ARHGAP24: variants seen among roughly 807,000 people sequenced by gnomAD.
The protein encoded by ARHGAP24 is Rho GTPase activating protein 24, also known as rho GTPase-activating protein 24.
A neutral mutation model predicts 76.4 loss-of-function variants in ARHGAP24; 50 were observed. The ratio of observed to expected loss-of-function variants is 0.65; its 90% CI spans 0.52 to 0.83. The LOEUF is 0.83. ARHGAP24 is among the 40% of genes least tolerant of loss of function. ARHGAP24 has a pLI of 0.00. For missense variants in ARHGAP24, 930 were observed against 914.2 expected (o/e 1.02, Z -0.22); for synonymous variants, 345 against 323.3 (o/e 1.07, Z -0.72).
rs138213942 is a variant in ARHGAP24, at chr4:85,832,172, C to T, written c.269-91476C>T. On this transcript the variant is annotated intron_variant, in intron 3 of 9. Coordinates refer to ENST00000395184, the MANE Select transcript of ARHGAP24 (RefSeq NM_001025616.3). ...AAGAGCCTTTTGTGTTTTCCGTGGGCGGGAACAAATAAGGCAGGGTGAGAA... is the reference window on the plus strand; with the variant it reads ...AAGAGCCTTTTGTGTTTTCCGTGGGTGGGAACAAATAAGGCAGGGTGAGAA... Among the ~76,000 whole-genome samples, 29 of 151,960 alleles carry T rather than the reference C, an allele frequency of 1.9e-4. No homozygotes were observed. The South Asian group carries it at 2.1e-3, about 11-fold the overall frequency.
At chr4:85,632,575 T>G (rs1721191445) in intron 2 of ARHGAP24, among the ~76,000 whole-genome samples, 1 of 152,060 alleles carries the variant, frequency 6.6e-6, no homozygotes, top group African/African-American at 2.4e-5. Context: ...CCCTGTGGAC[T>G]CACTGTGTTT....
intron 3 of ARHGAP24, among the ~76,000 whole-genome samples, chr4:85,866,404 G>C (rs567867406): frequency 6.6e-6 from 1 of 152,122 alleles, no homozygotes; most frequent in Non-Finnish European, 1.5e-5. Context: ...TACCCTGCCT[G>C]CCAGCAAGCA....
chr4:85,550,006 A>G (rs1156685042), intron 1 of ARHGAP24, among the ~76,000 whole-genome samples: 1 of 152,206 alleles, frequency 6.6e-6, no homozygotes, highest in Admixed American at 6.5e-5. Context: ...TCTAACATTG[A>G]TTAGCACTTA....
intron 3 of ARHGAP24, among the ~76,000 whole-genome samples, chr4:85,917,362 G>A (rs62305507): frequency 0.096 from 14,586 of 151,668 alleles, 756 homozygotes; most frequent in South Asian, 0.16. Flanking sequence ...GAATAGTGCC[G>A]CAATAAACAT....
chr4:85,894,951 A>C, intron 3 of ARHGAP24, among the ~76,000 whole-genome samples: 2 of 108,256 alleles, frequency 1.8e-5, no homozygotes, highest in Admixed American at 2.1e-4. Context: ...ACAGAATGAG[A>C]CTCCCTCTCA....
At chr4:85,919,353 G>A (rs1393697769) in intron 3 of ARHGAP24, among the ~76,000 whole-genome samples, 1 of 152,180 alleles carries the variant, frequency 6.6e-6, no homozygotes, top group Admixed American at 6.6e-5. Flanking sequence ...GAGGGGTTAT[G>A]CATTAGAACA....
intron 1 of ARHGAP24, among the ~76,000 whole-genome samples, chr4:85,498,515 C>G (rs897461978): frequency 2.6e-5 from 4 of 152,234 alleles, no homozygotes; most frequent in Non-Finnish European, 5.9e-5. Context: ...CAGCCTCGTG[C>G]TGAACAGCCC....
In ARHGAP24 at chr4:85,687,303, G is replaced by A. The variant is rs182428358; in HGVS notation, c.181-34582G>A. Reference sequence around the variant, plus strand: ...TTCAACTTCTATTTTAGATACAGGGGGTACATGTGCAGGTTTGCTCCATGG... The same window carrying A: ...TTCAACTTCTATTTTAGATACAGGGAGTACATGTGCAGGTTTGCTCCATGG... On this transcript the variant is annotated intron_variant, in intron 2 of 9. Transcript: ENST00000395184. 2.1e-3 allele frequency among the ~76,000 whole-genome samples: 312 copies of A among 152,092 alleles called. 2 individuals carry two copies. In the Middle Eastern group the frequency reaches 0.027, roughly 13 times the overall value.
rs758883129 is a variant in ARHGAP24, at chr4:85,994,818, C to A, written c.1164C>A (p.Asn388Lys). The change falls in exon 9 of 10, where the codon AAC (asparagine) becomes AAA (lysine). Residue 388 changes from asparagine to lysine, a missense_variant. Coordinates refer to ENST00000395184, the MANE Select transcript of ARHGAP24 (RefSeq NM_001025616.3). Reference sequence around the variant, plus strand: ...AGTCACCCCAGAGAAGCAGCATGAACAATGGATCCCCCACAGCTCTATCAG... The same window carrying A: ...AGTCACCCCAGAGAAGCAGCATGAAAAATGGATCCCCCACAGCTCTATCAG... ...KSESPQRSSM[N>K]NGSPTALSGS... 1.2e-6 allele frequency: 2 copies of A among 1,614,146 alleles called. No individual in the cohort carries two copies. Among genetic ancestry groups the A allele is most frequent in the Admixed American group, 1.7e-5 (1 of 60,014 alleles).
At position 85,997,914 on chromosome 4, in the gene ARHGAP24, C is replaced by T. The variant is rs143958940; in HGVS notation, c.2003+2257C>T. 6.5e-3 allele frequency among the ~76,000 whole-genome samples: 987 copies of T among 152,242 alleles called. 17 individuals are homozygous for T. The East Asian group carries it at 0.066, about 10-fold the overall frequency. On this transcript the variant is annotated intron_variant, in intron 9 of 9. Coordinates refer to ENST00000395184, the MANE Select transcript of ARHGAP24 (RefSeq NM_001025616.3). ...TCAAATGATCCACCCACCTCGGCCT[C>T]CCAAAGTGCTGGGGTTACAGGCATA... is the stretch of plus-strand genomic sequence containing the variant.
chr4:85,838,285 C>T (rs914055115), intron 3 of ARHGAP24, among the ~76,000 whole-genome samples: 2 of 152,120 alleles, frequency 1.3e-5, no homozygotes, highest in Non-Finnish European at 1.5e-5. Context: ...GACATGTAAT[C>T]ATTCTGAATA....
At chr4:85,517,098 G>C (rs757023738) in intron 1 of ARHGAP24, among the ~76,000 whole-genome samples, 1 of 151,972 alleles carries the variant, frequency 6.6e-6, no homozygotes, top group Non-Finnish European at 1.5e-5. Flanking sequence ...GGTCCATTTC[G>C]GGATTTTCCC....
At chr4:85,766,608 T>A (rs913118956) in intron 3 of ARHGAP24, among the ~76,000 whole-genome samples, 2 of 152,218 alleles carry the variant, frequency 1.3e-5, no homozygotes, top group East Asian at 3.9e-4. Context: ...ATGCACATGT[T>A]CCTTGGAGAC....
intron 3 of ARHGAP24, among the ~76,000 whole-genome samples, chr4:85,833,587 T>A (rs1304638096): frequency 6.6e-6 from 1 of 152,106 alleles, no homozygotes; most frequent in East Asian, 1.9e-4. Flanking sequence ...TTAAGGCAAA[T>A]CTACAGAACT....
intron 2 of ARHGAP24, among the ~76,000 whole-genome samples, chr4:85,675,251 C>G (rs1722941391): frequency 6.6e-6 from 1 of 152,136 alleles, no homozygotes; most frequent in East Asian, 1.9e-4. Context: ...TAAGACAATA[C>G]TGTACATAAT....
intron 3 of ARHGAP24, among the ~76,000 whole-genome samples, chr4:85,751,329 G>A (rs1726257447): frequency 6.6e-6 from 1 of 151,882 alleles, no homozygotes; most frequent in Admixed American, 6.6e-5. Context: ...AGGTATTTAG[G>A]CATTATGCAG....
intron 3 of ARHGAP24, among the ~76,000 whole-genome samples, chr4:85,895,761 C>T (rs950511820): frequency 1.5e-4 from 23 of 152,108 alleles, no homozygotes; most frequent in Admixed American, 9.8e-4. Context: ...ACTACTTGCA[C>T]GTAGCAGACT....
intron 3 of ARHGAP24, among the ~76,000 whole-genome samples, chr4:85,739,240 C>G (rs1725726795): frequency 6.6e-6 from 1 of 152,116 alleles, no homozygotes; most frequent in African/African-American, 2.4e-5. Context: ...TTTGAGTCTA[C>G]CCAGAACCCT....
chr4:85,490,883 A>G (rs898749025), intron 1 of ARHGAP24, among the ~76,000 whole-genome samples: 12 of 152,238 alleles, frequency 7.9e-5, no homozygotes, highest in African/African-American at 2.7e-4. Flanking sequence ...TTTTCCCCAC[A>G]GGGACCACTC....
Sources: allele counts gnomAD v4.1 joint callset (sites outside exome capture counted in the v4.1 genomes callset), GRCh38; gene constraint gnomAD v4.1.1; transcripts MANE v1.5; gene names NCBI Gene and HGNC (gene_info 2026-07-23, HGNC 2026-07-21).